Variants in KDM3A observed in about 807,000 individuals in gnomAD.
KDM3A encodes the protein lysine demethylase 3A, also known as lysine-specific demethylase 3A.
KDM3A carries 60 observed loss-of-function variants against 158.0 expected under a neutral mutation model. The observed-to-expected ratio is 0.38, with a 90% confidence interval of 0.31 to 0.47. The LOEUF (loss-of-function observed/expected upper bound fraction) is 0.47, where lower values mean the gene tolerates loss of function less well. Among genes scored for constraint, KDM3A ranks in the 20% least tolerant of loss-of-function variants. KDM3A has a pLI of 0.99. For missense variants in KDM3A, 1,319 were observed against 1,574.3 expected (o/e 0.84, Z 2.74); for synonymous variants, 608 against 549.3 (o/e 1.11, Z -1.49).
In KDM3A at chr2:86,489,652, T is replaced by G; in HGVS notation, c.3566T>G (p.Leu1189Arg). ...AKDTEKIREF[L>R]KKVSEEQGQE... ...GACACGGAGAAGATAAGGGAATTTCTTAAAAAGGTGTGCTGCTTATGGCAT... is the reference window on the plus strand; with the variant it reads ...GACACGGAGAAGATAAGGGAATTTCGTAAAAAGGTGTGCTGCTTATGGCAT... Residue 1189 changes from leucine to arginine, a missense_variant, in exon 23 of 26, where the codon CTT becomes CGT. Transcript: ENST00000312912. The G allele has an allele frequency of 6.2e-7, 1 of 1,610,372 alleles. No homozygotes were observed. The highest frequency in any genetic ancestry group is 8.5e-7 in the Non-Finnish European group (1 of 1,178,674).
At position 86,483,930 on chromosome 2, in the gene KDM3A, G is replaced by A. The variant is rs76415188; in HGVS notation, c.2923-57G>A. ...AGCAGTGTGAAGAGGGACTGCCTTC[G>A]GGAGTGGGGACAGAGCTGGCAGAGT... On this transcript the variant is annotated intron_variant, in intron 18 of 25. Transcript: ENST00000312912. The A allele has an allele frequency of 3.0e-3, 4,242 of 1,406,210 alleles. 118 individuals carry two copies. In the African/African-American group the frequency reaches 0.052, roughly 17 times the overall value. 87.1% of individuals were successfully genotyped at this position (1,406,210 alleles called of 1,614,324 possible).
At chr2:86,476,356 T>TA (rs1673657192) in intron 12 of KDM3A, among the ~76,000 whole-genome samples, 1 of 151,602 alleles carries the variant, frequency 6.6e-6, no homozygotes, top group African/African-American at 2.4e-5. Flanking sequence ...AAATGTTTTT[T>TA]TCATATAGAA....
chr2:86,491,387 A>C, intron 25 of KDM3A, 112 bp downstream of exon 25: 1 of 1,071,724 alleles, frequency 9.3e-7, no homozygotes, highest in Non-Finnish European at 1.4e-6. Flanking sequence ...CTTAGTACAC[A>C]GTGAGTCGAG....
At chr2:86,457,742 A>G (rs1404096139) in intron 8 of KDM3A, among the ~76,000 whole-genome samples, 1 of 152,206 alleles carries the variant, frequency 6.6e-6, no homozygotes, top group African/African-American at 2.4e-5. Flanking sequence ...CACCTTCTCA[A>G]TAATAAGGAA....
intron 12 of KDM3A, among the ~76,000 whole-genome samples, chr2:86,476,350 G>GT (rs34748670): frequency 0.63 from 95,723 of 151,824 alleles, 30,653 homozygotes; most frequent in East Asian, 0.95. Context: ...TCTAAAAAAT[G>GT]TTTTTTTCAT....
chr2:86,461,126 A>C (rs968432824), intron 8 of KDM3A, among the ~76,000 whole-genome samples: 1 of 152,196 alleles, frequency 6.6e-6, no homozygotes. Context: ...AGTATACTTC[A>C]TGGGAAGAAA....
At chr2:86,478,933 ACT>A in intron 15 of KDM3A, 198 bp downstream of exon 15, 1 of 509,046 alleles carries the variant, frequency 2.0e-6, no homozygotes, top group Non-Finnish European at 3.4e-6. Context: ...ACTTTCGTAG[ACT>A]CTACTGTGGC....
At chr2:86,450,373 C>A (rs11682587) in intron 3 of KDM3A, among the ~76,000 whole-genome samples, 21,297 of 152,206 alleles carry the variant, frequency 0.14, 1,689 homozygotes, top group African/African-American at 0.21. Context: ...CTTATGGCAG[C>A]AATGGGCTAG....
chr2:86,461,537 G>A (rs188848132), intron 8 of KDM3A, among the ~76,000 whole-genome samples: 232 of 152,298 alleles, frequency 1.5e-3, no homozygotes, highest in Middle Eastern at 3.4e-3. Flanking sequence ...AACAGTGGGC[G>A]CAACAGCAGG....
chr2:86,486,699 T>C (rs1674193380), intron 21 of KDM3A, among the ~76,000 whole-genome samples: 1 of 152,220 alleles, frequency 6.6e-6, no homozygotes, highest in Admixed American at 6.5e-5. Flanking sequence ...AGGTCTGTTG[T>C]TGTCTTCGCT....
chr2:86,445,375 C>T (rs1391786222), intron 2 of KDM3A, among the ~76,000 whole-genome samples: 1 of 152,146 alleles, frequency 6.6e-6, no homozygotes, highest in African/African-American at 2.4e-5. Flanking sequence ...TATTTTTATC[C>T]TGCTCTTTCT....
In KDM3A at chr2:86,478,192, T is replaced by C. The variant is rs749084835; in HGVS notation, c.2115T>C (p.Ser705=). ...CAGGTGCTGCTTACAAGACTTTCTC[T>C]TGGCTAAAATGTGTGAAGAGTCAGA... ...CQQGAAYKTF[S]WLKCVKSQIH... is the part of the protein sequence containing the mutation. Residue 705 remains serine (S), a synonymous_variant, in exon 14 of 26, where the codon TCT becomes TCC. Transcript: ENST00000312912. 1 of 1,614,078 alleles carries C rather than the reference T, an allele frequency of 6.2e-7. No individual in the cohort carries two copies.
chr2:86,474,760 C>A lies in KDM3A; in HGVS notation c.1725-16C>A. 1.6e-6 allele frequency: 2 copies of A among 1,250,802 alleles called. No homozygotes were observed. Among genetic ancestry groups the A allele is most frequent in the African/African-American group, 1.6e-5 (1 of 62,092 alleles). The allele number at this position is 1,250,802 out of a possible 1,614,324, so 77.5% of individuals were successfully genotyped here. On this transcript the variant is annotated splice_polypyrimidine_tract_variant and intron_variant, in intron 11 of 25. Transcript: ENST00000312912. ...GTGTGTGTACATTACATCTTTTTTT[C>A]CCCTGCTTCCCCTAGGTTACAATTC... is the stretch of plus-strand genomic sequence containing the variant.
chr2:86,463,922 C>G lies in KDM3A; in HGVS notation c.844-131C>G, dbSNP rs1673027040. Reference sequence around the variant, plus strand: ...TATAGTTTATCACTTGTTTCACTTTCCTGTTTCTTTTTATTTGGCAATGGT... The same window carrying G: ...TATAGTTTATCACTTGTTTCACTTTGCTGTTTCTTTTTATTTGGCAATGGT... On this transcript the variant is annotated intron_variant, in intron 8 of 25. Transcript: ENST00000312912. 5 of 580,542 alleles carry G rather than the reference C, an allele frequency of 8.6e-6. No individual in the cohort carries two copies. The South Asian group carries it at 2.0e-4, about 23-fold the overall frequency. 36.0% of individuals were successfully genotyped at this position (580,542 alleles called of 1,614,324 possible). A position where few individuals can be genotyped will look rare whatever the true frequency, so the allele number is the denominator to read the frequency against.
intron 23 of KDM3A, chr2:86,490,554 CTT>C: frequency 5.5e-6 from 1 of 183,276 alleles, no homozygotes; most frequent in Non-Finnish European, 1.1e-5. Context: ...TTTCTAATAA[CTT>C]TAAAACAAGT....
At chr2:86,475,810 A>G (rs960379376) in intron 12 of KDM3A, among the ~76,000 whole-genome samples, 1 of 152,220 alleles carries the variant, frequency 6.6e-6, no homozygotes, top group Non-Finnish European at 1.5e-5. Flanking sequence ...TGCTTAACCA[A>G]GTATGTTTGA....
intron 18 of KDM3A, chr2:86,483,003 C>T: frequency 2.8e-6 from 1 of 352,488 alleles, no homozygotes; most frequent in Non-Finnish European, 5.3e-6. Flanking sequence ...GAGGGTGTGA[C>T]TACAGGCTGA....
At chr2:86,474,108 T>C (rs1673540840) in intron 11 of KDM3A, among the ~76,000 whole-genome samples, 2 of 152,212 alleles carry the variant, frequency 1.3e-5, no homozygotes, top group South Asian at 4.1e-4. Context: ...TTAACTTCTG[T>C]AGTAACTTGT....
chr2:86,467,976 T>C (rs565581459), intron 10 of KDM3A, among the ~76,000 whole-genome samples: 26 of 152,062 alleles, frequency 1.7e-4, no homozygotes, highest in Non-Finnish European at 3.2e-4. Context: ...CGGTGAGTTA[T>C]GATTGTACCA....
Sources: gnomAD v4.1 joint callset for allele counts (sites outside exome capture counted in the v4.1 genomes callset) on GRCh38, gnomAD v4.1.1 for gene constraint, MANE v1.5 for transcripts, NCBI Gene and HGNC (gene_info 2026-07-23, HGNC 2026-07-21) for gene names.